CALD1: variants seen among roughly 807,000 people sequenced by gnomAD.
CALD1 encodes caldesmon.
CALD1 carries 33 observed loss-of-function variants against 99.9 expected under a neutral mutation model. That is an observed-to-expected ratio of 0.33 (90% CI 0.25 to 0.44). The LOEUF (loss-of-function observed/expected upper bound fraction) is 0.44, where lower values mean the gene tolerates loss of function less well. Ranked by LOEUF, CALD1 falls within the 20% of genes least tolerant of loss-of-function variation. The probability of loss-of-function intolerance (pLI) is 1.00; values close to 1 mark genes in which losing one functional copy is unlikely to be tolerated. For synonymous variants in CALD1, 310 were observed against 325.0 expected (o/e 0.95, Z 0.50); for missense variants, 861 against 962.1 (o/e 0.89, Z 1.39).
intron 1 of CALD1, among the ~76,000 whole-genome samples, chr7:134,773,782 CTGTGTGTGTGTGTGTGTGTG>C (rs36104737): frequency 7.2e-6 from 1 of 138,656 alleles, no homozygotes; most frequent in African/African-American, 2.7e-5. Flanking sequence ...AACCTCTCTT[CTGTGTGTGTGTGTGTGTGTG>C]TGTGTGTGTG....
intron 3 of CALD1, among the ~76,000 whole-genome samples, chr7:134,908,815 C>CTATATATA (rs758958399): frequency 6.7e-6 from 1 of 149,116 alleles, no homozygotes; most frequent in African/African-American, 2.5e-5. Flanking sequence ...CAAGAAAATA[C>CTATATATA]TATATATATA....
In CALD1 at chr7:134,938,525, T is replaced by C. The variant is rs148217994; in HGVS notation, c.1387-2567T>C. Among the ~76,000 whole-genome samples the C allele has an allele frequency of 4.5e-3, 684 of 152,300 alleles. 4 individuals carry two copies. The highest frequency in any genetic ancestry group is 0.016 in the African/African-American group (649 of 41,568). ...CAAACTTTTTCAGGATACCCGGCTA[T>C]CTATTAATCCTTCAGCACGGACGTT... On this transcript the variant is annotated intron_variant, in intron 6 of 14. Coordinates refer to ENST00000361675, the MANE Select transcript of CALD1 (RefSeq NM_033138.4).
At chr7:134,905,320 C>T (rs964204136) in intron 3 of CALD1, among the ~76,000 whole-genome samples, 2 of 152,010 alleles carry the variant, frequency 1.3e-5, no homozygotes, top group African/African-American at 4.8e-5. Context: ...GTTCTAAGTA[C>T]CGTGCAACTA....
chr7:134,807,422 A>G (rs998375349), intron 1 of CALD1, among the ~76,000 whole-genome samples: 3 of 152,080 alleles, frequency 2.0e-5, no homozygotes, highest in African/African-American at 7.2e-5. Context: ...GGGGCCTTTA[A>G]TTACATCTCC....
intron 1 of CALD1, among the ~76,000 whole-genome samples, chr7:134,787,704 T>A (rs1455541110): frequency 6.6e-6 from 1 of 152,190 alleles, no homozygotes; most frequent in Non-Finnish European, 1.5e-5. Context: ...TCTAGGTTCT[T>A]CCTTTATTCG....
chr7:134,856,353 T>TAA (rs1396042831), intron 2 of CALD1, among the ~76,000 whole-genome samples: 1 of 152,172 alleles, frequency 6.6e-6, no homozygotes, highest in African/African-American at 2.4e-5. Flanking sequence ...TGAGAAAAGA[T>TAA]AAAAGTCCTG....
At chr7:134,881,210 T>C (rs918704673) in intron 3 of CALD1, among the ~76,000 whole-genome samples, 20 of 152,200 alleles carry the variant, frequency 1.3e-4, no homozygotes, top group African/African-American at 3.9e-4. Context: ...GCCCAAATCA[T>C]TGGACCCAGG....
In CALD1 at chr7:134,959,962, CA is replaced by C. The variant is rs774330886; in HGVS notation, c.2062-11del. The stretch of plus-strand genomic sequence containing the variant: ...CCCAGCACCAATCCTAAAAATAACT[CA>C]CAAATTTCAGGGAACAAAAAGCGCA... On this transcript the variant is annotated splice_polypyrimidine_tract_variant and intron_variant, in intron 11 of 14. Coordinates refer to ENST00000361675, the MANE Select transcript of CALD1 (RefSeq NM_033138.4). 2 of 1,611,950 alleles carry C rather than the reference CA, an allele frequency of 1.2e-6. No individual in the cohort carries two copies. The highest frequency in any genetic ancestry group is 1.7e-6 in the Non-Finnish European group (2 of 1,179,154).
chr7:134,968,211 C>A (rs1001340755), intron 14 of CALD1, 129 bp from the exon 15 acceptor site: 3 of 765,914 alleles, frequency 3.9e-6, no homozygotes, highest in Non-Finnish European at 7.1e-6. Context: ...TCCTCCCTTT[C>A]ATAAATATTT....
At chr7:134,882,100 TC>T (rs1405650379) in intron 3 of CALD1, among the ~76,000 whole-genome samples, 1 of 152,180 alleles carries the variant, frequency 6.6e-6, no homozygotes, top group Non-Finnish European at 1.5e-5. Flanking sequence ...CACTTTTATT[TC>T]CCCAAGACCA....
At chr7:134,792,735 G>C (rs557008218) in intron 1 of CALD1, among the ~76,000 whole-genome samples, 1 of 152,256 alleles carries the variant, frequency 6.6e-6, no homozygotes, top group South Asian at 2.1e-4. Flanking sequence ...TTCAACATAT[G>C]AATACTCGGG....
At chr7:134,778,205 G>A (rs1796960519), upstream of CALD1, among the ~76,000 whole-genome samples, 1 of 152,184 alleles carries the variant, frequency 6.6e-6, no homozygotes, top group African/African-American at 2.4e-5. Context: ...GTAGAGAGTT[G>A]ATATGGATGC....
In CALD1 at chr7:134,959,956, A is replaced by T. The variant is rs1808124897; in HGVS notation, c.2062-18A>T. Reference sequence around the variant, plus strand: ...AAACTTCCCAGCACCAATCCTAAAAATAACTCACAAATTTCAGGGAACAAA... The same window carrying T: ...AAACTTCCCAGCACCAATCCTAAAATTAACTCACAAATTTCAGGGAACAAA... On this transcript the variant is annotated intron_variant, in intron 11 of 14. Transcript: ENST00000361675. 6.2e-7 allele frequency: 1 copy of T among 1,612,268 alleles called. No homozygotes were observed. The highest frequency in any genetic ancestry group is 8.5e-7 in the Non-Finnish European group (1 of 1,179,138).
At chr7:134,752,695 C>T (rs1054187482) in intron 1 of CALD1, among the ~76,000 whole-genome samples, 24 of 151,998 alleles carry the variant, frequency 1.6e-4, no homozygotes, top group African/African-American at 5.8e-4. Context: ...GTCTTAGCAC[C>T]GATTATCAAA....
At chr7:134,711,687 TG>T in the CALD1 span, among the ~76,000 whole-genome samples, 1 of 40,302 alleles carries the variant, frequency 2.5e-5, no homozygotes, top group Non-Finnish European at 6.5e-5. Flanking sequence ...TATATGTGTG[TG>T]TGTGTGTGTG....
Position 134,935,791 on chromosome 7 carries a change from C to T in CALD1, c.1386+26C>T, listed in dbSNP as rs767301788. ...GTAAATATGATTGAAAAGTAATGAT[C>T]GTAAAGCAACAGAAAAAGCAGTCAG... On this transcript the variant is annotated intron_variant, in intron 6 of 14. Coordinates refer to ENST00000361675, the MANE Select transcript of CALD1 (RefSeq NM_033138.4). 7.7e-6 allele frequency: 12 copies of T among 1,549,494 alleles called. No individual in the cohort carries two copies. The East Asian group carries it at 2.1e-4, about 27-fold the overall frequency.
At chr7:134,742,346 G>C (rs369779151), upstream of CALD1, among the ~76,000 whole-genome samples, 1 of 152,248 alleles carries the variant, frequency 6.6e-6, no homozygotes, top group East Asian at 1.9e-4. Flanking sequence ...TAGTAAATGA[G>C]ATCACCCTTG....
the CALD1 span, among the ~76,000 whole-genome samples, chr7:134,713,249 C>A: frequency 6.6e-5 from 10 of 152,234 alleles, no homozygotes; most frequent in Admixed American, 4.6e-4. Flanking sequence ...ACCTACACTT[C>A]ATGTTAATTT....
Position 134,790,082 on chromosome 7 carries a change from GGAGAGAGA to G in CALD1, c.-130+10350_-130+10357del, listed in dbSNP as rs56962467. Reference sequence around the variant, plus strand: ...GAGAGGAAAAGAGAAAAAGAAATAAGGAGAGAGAGAGAGAGAGAGAGAGAAAGGAGAGG... The same window carrying G: ...GAGAGGAAAAGAGAAAAAGAAATAAGGAGAGAGAGAGAGAGAAAGGAGAGG... On this transcript the variant is annotated intron_variant, in intron 1 of 14. Coordinates refer to ENST00000361675, the MANE Select transcript of CALD1 (RefSeq NM_033138.4). Among the ~76,000 whole-genome samples the G allele has an allele frequency of 7.7e-5, 11 of 142,316 alleles. No homozygotes were observed. The East Asian group carries it at 2.1e-3, about 27-fold the overall frequency. 93.4% of individuals were successfully genotyped at this position (142,316 alleles called of 152,430 possible).
Sources: gnomAD v4.1 joint callset for allele counts (sites outside exome capture counted in the v4.1 genomes callset) on GRCh38, gnomAD v4.1.1 for gene constraint, MANE v1.5 for transcripts, NCBI Gene and HGNC (gene_info 2026-07-23, HGNC 2026-07-21) for gene names.